The following RNFT2 variants were observed in gnomAD, a reference collection of about 807,000 sequenced individuals.
RNFT2 encodes E3 ubiquitin-protein ligase RNFT2.
Under a neutral mutation model 53.0 loss-of-function variants are expected in RNFT2, and 36 were observed. The observed-to-expected ratio is 0.68, with a 90% CI of 0.52 to 0.90. RNFT2 has a LOEUF of 0.90. RNFT2 is among the 40% of genes least tolerant of loss of function. The pLI, the probability that RNFT2 is intolerant of heterozygous loss-of-function variation, is 0.00. For synonymous variants in RNFT2, 260 were observed against 253.2 expected, an observed-to-expected ratio of 1.03 and a Z score of -0.26; for missense variants, 514 against 585.6, an observed-to-expected ratio of 0.88 and a Z score of 1.26.
chr12:116,840,041 G>A (rs1877175041), intron 10 of RNFT2, among the ~76,000 whole-genome samples: 1 of 152,196 alleles, frequency 6.6e-6, no homozygotes. Flanking sequence ...CAGGGAAAGG[G>A]CATTTTGAAC....
Position 116,851,925 on chromosome 12 carries a change from A to G in RNFT2, c.*2477A>G, listed in dbSNP as rs1165595492. 1 of 1,533,742 alleles carries G rather than the reference A, an allele frequency of 6.5e-7. No homozygotes were observed. The highest frequency in any genetic ancestry group is 2.4e-5 in the East Asian group (1 of 40,908). ...AGGCCTGTCAGCAGCTCCTGTGGAC[A>G]TTGCCATCCCCTCTGGTAGCCTTCA... On this transcript the variant is annotated 3_prime_UTR_variant, in exon 11 of 11. Coordinates refer to ENST00000257575, the MANE Select transcript of RNFT2 (RefSeq NM_001382266.1).
In RNFT2 at chr12:116,853,439, G is replaced by T. The variant is rs560435958; in HGVS notation, c.*3991G>T. Reference sequence around the variant, plus strand: ...CAGATATGATAGGTGCATCAGCTTCGGAAGAGAAGAATGATGTGCAGAGTG... The same window carrying T: ...CAGATATGATAGGTGCATCAGCTTCTGAAGAGAAGAATGATGTGCAGAGTG... On this transcript the variant is annotated 3_prime_UTR_variant, in exon 11 of 11. Coordinates refer to ENST00000257575, the MANE Select transcript of RNFT2 (RefSeq NM_001382266.1). 1.1e-5 allele frequency: 4 copies of T among 365,894 alleles called. No homozygotes were observed. The highest frequency in any genetic ancestry group is 8.3e-5 in the African/African-American group (4 of 47,978). 22.7% of individuals were successfully genotyped at this position (365,894 alleles called of 1,614,324 possible).
chr12:116,848,515 A>G (rs571692277), intron 10 of RNFT2, among the ~76,000 whole-genome samples: 3 of 152,028 alleles, frequency 2.0e-5, no homozygotes, highest in Admixed American at 6.6e-5. Flanking sequence ...TACCTACACC[A>G]TATGCACCCC....
Position 116,833,916 on chromosome 12 carries a change from T to C in RNFT2, c.1007T>C (p.Leu336Pro). ...AACAGCTACTTCCTGGGCGGGGTCCTGATCGTTCTCTACAGCCTCTGCAAG... is the reference window on the plus strand; with the variant it reads ...AACAGCTACTTCCTGGGCGGGGTCCCGATCGTTCTCTACAGCCTCTGCAAG... ...SSNSYFLGGV[L>P]IVLYSLCKSF... Residue 336 changes from leucine (L) to proline (P), a missense_variant, in exon 8 of 11, where the codon CTG becomes CCG. Around this residue, in one of 3 missense-constraint regions of RNFT2, gnomAD observed 273 missense variants for 334.4 expected, o/e 0.82. Transcript: ENST00000257575. 6.2e-7 allele frequency: 1 copy of C among 1,611,772 alleles called. No individual in the cohort carries two copies. The highest frequency in any genetic ancestry group is 8.5e-7 in the Non-Finnish European group (1 of 1,179,038).
At chr12:116,784,779 A>G (rs939513878) in intron 7 of RNFT2, among the ~76,000 whole-genome samples, 4 of 151,912 alleles carry the variant, frequency 2.6e-5, no homozygotes, top group East Asian at 3.9e-4. Flanking sequence ...TCCTCCTTCT[A>G]TATCTCCACC....
chr12:116,828,460 G>A (rs1206881881), intron 7 of RNFT2, among the ~76,000 whole-genome samples: 1 of 152,066 alleles, frequency 6.6e-6, no homozygotes, highest in African/African-American at 2.4e-5. Flanking sequence ...CTCAATTCTG[G>A]GGCCCACTCA....
chr12:116,822,137 C>A (rs764650130), intron 7 of RNFT2, among the ~76,000 whole-genome samples: 66 of 152,102 alleles, frequency 4.3e-4, no homozygotes, highest in Non-Finnish European at 7.2e-4. Flanking sequence ...GCCTGGCCAA[C>A]CTCCTTCAAC....
chr12:116,844,913 T>C (rs16947046), intron 10 of RNFT2, among the ~76,000 whole-genome samples: 9,793 of 152,050 alleles, frequency 0.064, 615 homozygotes, highest in African/African-American at 0.15. Context: ...GCAAGAACCG[T>C]ACTCAGCATA....
chr12:116,771,850 G>A (rs1214412505), intron 6 of RNFT2, among the ~76,000 whole-genome samples: 1 of 152,144 alleles, frequency 6.6e-6, no homozygotes, highest in African/African-American at 2.4e-5. Flanking sequence ...TGGCAGCCAT[G>A]CACCTGGAAG....
chr12:116,750,903 TA>T (rs1310648477), intron 4 of RNFT2, among the ~76,000 whole-genome samples: 17 of 52,172 alleles, frequency 3.3e-4, no homozygotes, highest in South Asian at 6.8e-4. Flanking sequence ...TATATATATA[TA>T]TATATTTTTT....
At chr12:116,740,028 A>T (rs1871528176) in intron 1 of RNFT2, among the ~76,000 whole-genome samples, 1 of 152,156 alleles carries the variant, frequency 6.6e-6, no homozygotes, top group Admixed American at 6.5e-5. Context: ...CAATATGGTG[A>T]AATCCCATCT....
chr12:116,781,622 T>A (rs987636767), intron 7 of RNFT2, among the ~76,000 whole-genome samples: 1 of 151,578 alleles, frequency 6.6e-6, no homozygotes, highest in Admixed American at 6.6e-5. Flanking sequence ...TCTGCCTTCA[T>A]TGTCGCATCT....
At chr12:116,749,317 G>T (rs906022715) in intron 3 of RNFT2, among the ~76,000 whole-genome samples, 2 of 124,066 alleles carry the variant, frequency 1.6e-5, no homozygotes, top group African/African-American at 6.2e-5. Context: ...GCTCTCTGTC[G>T]CCCAGGCTGG....
At position 116,749,868 on chromosome 12, in the gene RNFT2, G is replaced by C. The variant is rs761983753; in HGVS notation, c.111G>C (p.Glu37Asp). Residue 37 changes from glutamate to aspartate, a missense_variant, in exon 4 of 11, where the codon GAG (glutamate) becomes GAC (aspartate). Physicochemically the swap from Glu to Asp is conservative, Grantham distance 45. Transcript: ENST00000257575. ...ACCGCAGCCAGGCGCTCAGCTCCGA[G>C]GCGAGTGTGGATGAAGGTGGCGTCT... ...ERNRSQALSS[E>D]ASVDEGGVFE... is the part of the protein sequence containing the mutation. 1.2e-5 allele frequency: 19 copies of C among 1,586,142 alleles called. No homozygotes were observed. In the Admixed American group the frequency reaches 3.4e-4, roughly 29 times the overall value.
chr12:116,747,362 A>G (rs940186110), intron 3 of RNFT2, among the ~76,000 whole-genome samples: 2 of 152,076 alleles, frequency 1.3e-5, no homozygotes, highest in African/African-American at 4.8e-5. Flanking sequence ...GGTCTTTTAT[A>G]TATTTTAAAA....
intron 5 of RNFT2, among the ~76,000 whole-genome samples, chr12:116,763,585 A>G (rs572684295): frequency 6.7e-5 from 10 of 149,156 alleles, no homozygotes; most frequent in African/African-American, 2.0e-4. Flanking sequence ...TGGCTAACAC[A>G]GTGAAACCCC....
At chr12:116,738,694 A>G (rs933744516) in intron 1 of RNFT2, 1 of 152,214 alleles carries the variant, frequency 6.6e-6, no homozygotes, top group Non-Finnish European at 1.5e-5. Flanking sequence ...TCATTCATTC[A>G]GATGCATCCC....
At chr12:116,804,240 T>G (rs577567386) in intron 7 of RNFT2, among the ~76,000 whole-genome samples, 11 of 152,338 alleles carry the variant, frequency 7.2e-5, no homozygotes, top group African/African-American at 2.6e-4. Flanking sequence ...TATTCTTGCT[T>G]CTCAAAGTGC....
chr12:116,853,357 T>G lies in RNFT2; in HGVS notation c.*3909T>G. The G allele has an allele frequency of 2.5e-6, 1 of 395,902 alleles. No individual in the cohort carries two copies. The highest frequency in any genetic ancestry group is 4.4e-6 in the Non-Finnish European group (1 of 224,834). 24.5% of individuals were successfully genotyped at this position (395,902 alleles called of 1,614,324 possible). A position where few individuals can be genotyped will look rare whatever the true frequency, so the allele number is the denominator to read the frequency against. On this transcript the variant is annotated 3_prime_UTR_variant, in exon 11 of 11. Transcript: ENST00000257575. ...AAGTCCTTAGAAATGGACCTCTTCA[T>G]GTAAAATATCTTGAGAATAATAAAT...
Sources: gnomAD v4.1 joint callset for allele counts (sites outside exome capture counted in the v4.1 genomes callset) on GRCh38, gnomAD v4.1.1 for gene constraint, gnomAD v4.1.1 regional missense constraint, MANE v1.5 for transcripts, NCBI Gene and HGNC (gene_info 2026-07-23, HGNC 2026-07-21) for gene names.